The following NTF4 variants were observed in gnomAD, a reference collection of about 807,000 sequenced individuals.
NTF4 encodes the protein neurotrophin 4.
A neutral mutation model predicts 4.4 loss-of-function variants in NTF4; 2 were observed. The observed-to-expected ratio is 0.46, with a 90% CI of 0.19 to 1.44. The LOEUF (loss-of-function observed/expected upper bound fraction) is 1.44. Ranked by LOEUF, NTF4 falls within the 40% of genes most tolerant of loss-of-function variation. NTF4 has a pLI of 0.26. For synonymous variants in NTF4, 127 were observed against 122.0 expected (o/e 1.04, Z -0.27); for missense variants, 260 against 293.0 (o/e 0.89, Z 0.82).
chr19:49,059,479 G>A (rs898586295), downstream of NTF4, among the ~76,000 whole-genome samples: 4 of 152,162 alleles, frequency 2.6e-5, no homozygotes, highest in South Asian at 2.1e-4. Flanking sequence ...ACCCAGAGGC[G>A]ACAGACACTG....
At position 49,061,652 on chromosome 19, in the gene NTF4, G is replaced by C. The variant is rs1206741094; in HGVS notation, c.346C>G (p.Arg116Gly). The C allele has an allele frequency of 6.2e-7, 1 of 1,613,490 alleles. No individual in the cohort carries two copies. The highest frequency in any genetic ancestry group is 1.3e-5 in the African/African-American group (1 of 74,926). The change falls in exon 1 of 1, where the codon CGC becomes GGC. Residue 116 changes from arginine (R) to glycine (G), a missense_variant. Physicochemically the swap from Arg to Gly is moderately radical, Grantham distance 125. Coordinates refer to ENST00000593537, the Ensembl canonical transcript of NTF4. The surrounding 1 kb of genome is among the most constrained non-coding windows in gnomAD (Gnocchi z 4.9). ...ACCTCGCCCAACACCTCCACCTCGC[G>C]CCCACGCAAGTCCACAGCGGTCCGG...
downstream of NTF4, among the ~76,000 whole-genome samples, chr19:49,059,982 A>C (rs372100434): frequency 1.7e-3 from 229 of 134,706 alleles, 3 homozygotes; most frequent in African/African-American, 6.0e-3. Flanking sequence ...GGCTGCAGTG[A>C]GCTCAGATCA....
rs145884553 is a variant in NTF4, at chr19:49,061,755, C to T, written c.243G>A (p.Gly81=). The change falls in exon 1 of 1, where the codon GGG becomes GGA. Residue 81 remains glycine (G), a synonymous_variant. Transcript: ENST00000593537. The surrounding 1 kb of genome is among the most constrained non-coding windows in gnomAD (Gnocchi z 4.9). ...GACTCGCTGGTGCAGTTTCGCTCAC[C>T]CCACGCCGGCTGCGGTTGGCCGGGG... 33 of 1,599,756 alleles carry T rather than the reference C, an allele frequency of 2.1e-5. No individual in the cohort carries two copies. In the African/African-American group the frequency reaches 4.3e-4, roughly 21 times the overall value.
In NTF4 at chr19:49,061,941, A is replaced by T; in HGVS notation, c.57T>A (p.Ser19Arg). The T allele has an allele frequency of 2.0e-6, 3 of 1,513,488 alleles. No homozygotes were observed. Among genetic ancestry groups the T allele is most frequent in the Non-Finnish European group, 2.7e-6 (3 of 1,119,844 alleles). 93.8% of individuals were successfully genotyped at this position (1,513,488 alleles called of 1,614,324 possible). A position where few individuals can be genotyped will look rare whatever the true frequency, so the allele number is the denominator to read the frequency against. ...GTGGGGGTTGGGACTCAATTGGCAC[A>T]CTGGGGAGGAGGAAAAGGAGGAGGA... The change falls in exon 1 of 1, where the codon AGT becomes AGA. Residue 19 changes from serine (S) to arginine (R), a missense_variant. Coordinates refer to ENST00000593537, the Ensembl canonical transcript of NTF4. The surrounding 1 kb of genome is among the most constrained non-coding windows in gnomAD (Gnocchi z 4.9).
chr19:49,060,420 C>T (rs2040117868), downstream of NTF4, among the ~76,000 whole-genome samples: 1 of 152,102 alleles, frequency 6.6e-6, no homozygotes, highest in Non-Finnish European at 1.5e-5. Flanking sequence ...CAACCTCTGC[C>T]TCCTGAGTTC....
At chr19:49,060,819 G>C (rs989549151), downstream of NTF4, 2 of 171,158 alleles carry the variant, frequency 1.2e-5, no homozygotes, top group Non-Finnish European at 2.5e-5. Context: ...CCTCAAAACA[G>C]AATATTCTAA....
At chr19:49,063,319 T>A (rs1195632812), upstream of NTF4, among the ~76,000 whole-genome samples, 1 of 148,886 alleles carries the variant, frequency 6.7e-6, no homozygotes, top group Non-Finnish European at 1.5e-5. Context: ...AAACAAAATT[T>A]TTTTTTTTTT....
At chr19:49,062,420 C>T (rs1028599166), upstream of NTF4, among the ~76,000 whole-genome samples, 2 of 151,580 alleles carry the variant, frequency 1.3e-5, no homozygotes, top group Non-Finnish European at 2.9e-5. Context: ...CCCAGGAGGC[C>T]GAGGTTGCAG....
At chr19:49,060,362 GCT>G (rs2040117662), downstream of NTF4, among the ~76,000 whole-genome samples, 1 of 151,902 alleles carries the variant, frequency 6.6e-6, no homozygotes, top group Non-Finnish European at 1.5e-5. Context: ...ATGGAGTTTC[GCT>G]CTTTTTGCCA....
Position 49,061,149 on chromosome 19 carries a change from C to T in NTF4, c.*216G>A, listed in dbSNP as rs2040126800. ...TAAATAGTGGCTATTATTATTATAT[C>T]ATCATCATTATTACCCTCAAGTTGC... is the stretch of plus-strand genomic sequence containing the variant. On this transcript the variant is annotated 3_prime_UTR_variant, in exon 1 of 1. Coordinates refer to ENST00000593537, the Ensembl canonical transcript of NTF4. This position sits in a 1 kb window ranked among gnomAD's most constrained non-coding sequence, Gnocchi z 4.9. 1.3e-6 allele frequency: 1 copy of T among 741,234 alleles called. No homozygotes were observed. The highest frequency in any genetic ancestry group is 2.1e-6 in the Non-Finnish European group (1 of 465,708). 45.9% of individuals were successfully genotyped at this position (741,234 alleles called of 1,614,324 possible).
chr19:49,060,995 T>A, downstream of NTF4: 1 of 270,314 alleles, frequency 3.7e-6, no homozygotes, highest in Non-Finnish European at 7.2e-6. Flanking sequence ...CCCCTCCCAC[T>A]CCCCAGCAAG....
Position 49,061,205 on chromosome 19 carries a change from C to G in NTF4, c.*160G>C. 7.0e-7 allele frequency: 1 copy of G among 1,432,438 alleles called. No individual in the cohort carries two copies. The highest frequency in any genetic ancestry group is 9.4e-7 in the Non-Finnish European group (1 of 1,069,084). 88.7% of individuals were successfully genotyped at this position (1,432,438 alleles called of 1,614,324 possible). Reference sequence around the variant, plus strand: ...GAGAACTCCTATTCAACCTCCAAAACCCCATGTGGTTTCACCCATCCTGCA... The same window carrying G: ...GAGAACTCCTATTCAACCTCCAAAAGCCCATGTGGTTTCACCCATCCTGCA... On this transcript the variant is annotated 3_prime_UTR_variant, in exon 1 of 1. Coordinates refer to ENST00000593537, the Ensembl canonical transcript of NTF4. The surrounding 1 kb of genome is among the most constrained non-coding windows in gnomAD (Gnocchi z 4.9).
Position 49,061,729 on chromosome 19 carries a change from C to A in NTF4, c.269G>T (p.Arg90Leu). ...ATCGCACACAGCCAGCTCACCCCGA[C>A]GACTCGCTGGTGCAGTTTCGCTCAC... The change falls in exon 1 of 1, where the codon CGT (arginine) becomes CTT (leucine). Residue 90 changes from arginine (R) to leucine (L), a missense_variant. By Grantham distance (102) the Arg-to-Leu change is moderately radical. Transcript: ENST00000593537. The surrounding 1 kb of genome is among the most constrained non-coding windows in gnomAD (Gnocchi z 4.9). The A allele has an allele frequency of 1.2e-6, 2 of 1,612,386 alleles. No homozygotes were observed. Among genetic ancestry groups the A allele is most frequent in the Non-Finnish European group, 1.7e-6 (2 of 1,179,514 alleles).
rs2040154898 is a variant in NTF4 at position 49,061,938 on chromosome 19, C to T, written c.60G>A (p.Val20=). The T allele has an allele frequency of 2.0e-6, 3 of 1,516,726 alleles. No homozygotes were observed. The highest frequency in any genetic ancestry group is 2.7e-6 in the Non-Finnish European group (3 of 1,121,712). The allele number at this position is 1,516,726 out of a possible 1,614,324, so 94.0% of individuals were successfully genotyped here. ...AGGGTGGGGGTTGGGACTCAATTGG[C>T]ACACTGGGGAGGAGGAAAAGGAGGA... The change falls in exon 1 of 1, where the codon GTG becomes GTA. Residue 20 remains valine, a synonymous_variant. Transcript: ENST00000593537. The surrounding 1 kb of genome is among the most constrained non-coding windows in gnomAD (Gnocchi z 4.9).
downstream of NTF4, among the ~76,000 whole-genome samples, chr19:49,059,132 C>A (rs1235913575): frequency 3.9e-5 from 6 of 152,140 alleles, no homozygotes; most frequent in Admixed American, 6.5e-5. Context: ...GAAACACCCC[C>A]CTTTGCTCCA....
upstream of NTF4, chr19:49,062,021 AAG>A (rs2040157457): frequency 2.8e-6 from 4 of 1,442,688 alleles, no homozygotes; most frequent in South Asian, 1.5e-5. Context: ...TGGAGACAGA[AAG>A]AGGGAGGCTG....
In NTF4 at chr19:49,061,446, G is replaced by A; in HGVS notation, c.552C>T (p.Ala184=). ...TCCATCGCCAGCCCACACGGCCCTG[G>A]GCATCAGCGGTCAATGCCCGCACAT... is the stretch of plus-strand genomic sequence containing the variant. The change falls in exon 1 of 1, where the codon GCC becomes GCT. Residue 184 remains alanine (A), a synonymous_variant. Coordinates refer to ENST00000593537, the Ensembl canonical transcript of NTF4. The surrounding 1 kb of genome is among the most constrained non-coding windows in gnomAD (Gnocchi z 4.9). The A allele has an allele frequency of 3.7e-6, 6 of 1,614,004 alleles. No homozygotes were observed. Among genetic ancestry groups the A allele is most frequent in the Non-Finnish European group, 5.1e-6 (6 of 1,179,958 alleles).
chr19:49,062,166 G>A (rs2040160300), upstream of NTF4, among the ~76,000 whole-genome samples: 2 of 152,212 alleles, frequency 1.3e-5, no homozygotes, highest in African/African-American at 4.8e-5. Context: ...CTTGCGTAAT[G>A]CGCAACTTGT....
At chr19:49,064,402 C>A (rs2040190775), upstream of NTF4, 1 of 156,478 alleles carries the variant, frequency 6.4e-6, no homozygotes, top group South Asian at 1.7e-4. Context: ...GGGCCTCCAC[C>A]TTCAGACCCA....
Sources: gnomAD v4.1 joint callset for allele counts (sites outside exome capture counted in the v4.1 genomes callset) on GRCh38, gnomAD v4.1.1 for gene constraint, Gnocchi (gnomAD v3.1) non-coding constraint, MANE v1.5 for transcripts, NCBI Gene and HGNC (gene_info 2026-07-23, HGNC 2026-07-21) for gene names.